ROBO2: variants seen among roughly 807,000 people sequenced by gnomAD.
ROBO2 encodes the protein roundabout homolog 2.
Under a neutral mutation model 160.8 loss-of-function variants are expected in ROBO2, and 53 were observed. The observed-to-expected ratio is 0.33, with a 90% confidence interval of 0.26 to 0.41. ROBO2 has a LOEUF of 0.41. Ranked by LOEUF, ROBO2 falls within the 10% of genes least tolerant of loss-of-function variation. The probability of loss-of-function intolerance (pLI) is 1.00; values close to 1 mark genes in which losing one functional copy is unlikely to be tolerated. For missense variants in ROBO2, 1,577 were observed against 1,722.4 expected, an observed-to-expected ratio of 0.92 and a Z score of 1.49; for synonymous variants, 664 against 611.7, an observed-to-expected ratio of 1.09 and a Z score of -1.26.
At chr3:76,059,524 G>T (rs1317293729) in intron 2 of ROBO2, among the ~76,000 whole-genome samples, 2 of 151,924 alleles carry the variant, frequency 1.3e-5, no homozygotes, top group Non-Finnish European at 2.9e-5. Flanking sequence ...AAATTTTTTG[G>T]AGTTTATTGT....
intron 2 of ROBO2, among the ~76,000 whole-genome samples, chr3:76,508,632 A>G (rs1368494960): frequency 6.6e-6 from 1 of 152,182 alleles, no homozygotes; most frequent in African/African-American, 2.4e-5. Flanking sequence ...TAATCCTGAG[A>G]TATCCTTGGA....
chr3:76,804,360 G>A (rs762190664), intron 2 of ROBO2, among the ~76,000 whole-genome samples: 10 of 152,076 alleles, frequency 6.6e-5, no homozygotes, highest in African/African-American at 1.9e-4. Flanking sequence ...AAAACCTTTC[G>A]GCAGAATTGA....
At chr3:76,464,896 T>C (rs774480554) in intron 2 of ROBO2, among the ~76,000 whole-genome samples, 5 of 152,138 alleles carry the variant, frequency 3.3e-5, no homozygotes, top group Non-Finnish European at 7.4e-5. Flanking sequence ...CTTCCATTCA[T>C]CTCTATACAA....
intron 2 of ROBO2, among the ~76,000 whole-genome samples, chr3:76,292,649 T>A (rs1459423976): frequency 6.6e-6 from 1 of 152,068 alleles, no homozygotes; most frequent in Non-Finnish European, 1.5e-5. Flanking sequence ...AAGAAGTAAC[T>A]CATCAATCAC....
At chr3:77,473,025 G>A (rs1439943749) in intron 2 of ROBO2, among the ~76,000 whole-genome samples, 3 of 152,036 alleles carry the variant, frequency 2.0e-5, no homozygotes. Context: ...AATAGGCAAA[G>A]GAGAAACCCT....
chr3:75,929,207 G>A (rs1258358577), intron 1 of ROBO2, among the ~76,000 whole-genome samples: 2 of 146,760 alleles, frequency 1.4e-5, no homozygotes, highest in South Asian at 2.1e-4. Flanking sequence ...GTGTGTGTGT[G>A]TGTGTGTTAG....
At chr3:76,917,194 A>T (rs1204163590) in intron 2 of ROBO2, among the ~76,000 whole-genome samples, 1 of 152,162 alleles carries the variant, frequency 6.6e-6, no homozygotes, top group Admixed American at 6.5e-5. Flanking sequence ...TGTTCTACGT[A>T]TGGCAATCAA....
At chr3:76,116,508 CAGG>C (rs1042976049) in intron 2 of ROBO2, among the ~76,000 whole-genome samples, 23 of 151,992 alleles carry the variant, frequency 1.5e-4, no homozygotes, top group African/African-American at 5.5e-4. Context: ...AGGTTAGAGA[CAGG>C]AGGAGAACCG....
intron 2 of ROBO2, among the ~76,000 whole-genome samples, chr3:76,811,601 C>T (rs2065161915): frequency 6.6e-6 from 1 of 152,114 alleles, no homozygotes; most frequent in Non-Finnish European, 1.5e-5. Context: ...ACCCTGTAGG[C>T]ATTTTTAGCT....
intron 2 of ROBO2, among the ~76,000 whole-genome samples, chr3:77,163,733 G>A (rs2078696734): frequency 1.3e-5 from 2 of 152,056 alleles, no homozygotes; most frequent in Admixed American, 1.3e-4. Flanking sequence ...CATGGTCTGG[G>A]ACACATACTA....
chr3:77,362,323 G>T (rs2070146622), intron 2 of ROBO2, among the ~76,000 whole-genome samples: 1 of 152,134 alleles, frequency 6.6e-6, no homozygotes, highest in Non-Finnish European at 1.5e-5. Flanking sequence ...CCAAGAAGTA[G>T]AGTGGGGGTC....
intron 2 of ROBO2, among the ~76,000 whole-genome samples, chr3:76,003,660 C>T (rs1466339443): frequency 6.6e-6 from 1 of 152,134 alleles, no homozygotes; most frequent in Non-Finnish European, 1.5e-5. Flanking sequence ...ATAGTATTCC[C>T]AGATGGGGCA....
chr3:77,570,667 G>T (rs1043168124), intron 13 of ROBO2, among the ~76,000 whole-genome samples: 5 of 151,932 alleles, frequency 3.3e-5, no homozygotes, highest in African/African-American at 1.2e-4. Flanking sequence ...TCAGACTGGG[G>T]TGTGTCCAGT....
chr3:76,648,917 T>G (rs1177865057), intron 2 of ROBO2, among the ~76,000 whole-genome samples: 1 of 152,174 alleles, frequency 6.6e-6, no homozygotes, highest in Admixed American at 6.5e-5. Context: ...ATATTCTCAC[T>G]AATCTCATCT....
intron 2 of ROBO2, among the ~76,000 whole-genome samples, chr3:75,939,453 A>T (rs965484423): frequency 2.1e-4 from 32 of 152,206 alleles, no homozygotes; most frequent in Non-Finnish European, 3.8e-4. Context: ...TTATTAAAAA[A>T]CAGCCTGAAA....
chr3:77,463,402 T>C (rs930636935), intron 2 of ROBO2, among the ~76,000 whole-genome samples: 3 of 152,102 alleles, frequency 2.0e-5, no homozygotes, highest in African/African-American at 7.2e-5. Flanking sequence ...TAACATAAAA[T>C]AGTACCTCTA....
chr3:77,240,497 G>A lies in ROBO2; in HGVS notation c.388+142157G>A, dbSNP rs551031379. ...CACCTCCCTGCAAGCAGAGGGAGCC[G>A]GCTCCAGCCTCGGCCAGCCCAGAGA... On this transcript the variant is annotated intron_variant, in intron 2 of 25. Transcript: ENST00000461745. Among the ~76,000 whole-genome samples the A allele has an allele frequency of 3.9e-5, 6 of 152,262 alleles. No homozygotes were observed. The East Asian group carries it at 1.2e-3, about 30-fold the overall frequency.
chr3:77,578,902 T>C (rs1381687233), intron 15 of ROBO2, among the ~76,000 whole-genome samples: 1 of 152,092 alleles, frequency 6.6e-6, no homozygotes, highest in Non-Finnish European at 1.5e-5. Flanking sequence ...GAATTTTTTT[T>C]CCATAAGTTG....
chr3:76,497,885 C>A lies in ROBO2; in HGVS notation c.109+560283C>A, dbSNP rs2080241786. On this transcript the variant is annotated intron_variant, in intron 2 of 26. Transcript: ENST00000487694. The stretch of plus-strand genomic sequence containing the variant: ...TTTCCAGCATTCCCAGCATTTCCAG[C>A]ATTCCCAGCCTGCTGGCCTGCCTTG... Among the ~76,000 whole-genome samples, 3 of 152,214 alleles carry A rather than the reference C, an allele frequency of 2.0e-5. No homozygotes were observed. In the South Asian group the frequency reaches 6.2e-4, roughly 32 times the overall value.
Sources: allele counts gnomAD v4.1 joint callset (sites outside exome capture counted in the v4.1 genomes callset), GRCh38; gene constraint gnomAD v4.1.1; transcripts MANE v1.5; gene names NCBI Gene and HGNC (gene_info 2026-07-23, HGNC 2026-07-21).